LRRC38: variants seen among roughly 807,000 people sequenced by gnomAD.
LRRC38 encodes the protein leucine rich repeat containing 38.
In LRRC38, 5 loss-of-function variants were observed where a neutral mutation model predicts 16.4. The ratio of observed to expected loss-of-function variants is 0.31; its 90% CI spans 0.16 to 0.64. LRRC38 has a LOEUF of 0.64. Among genes scored for constraint, LRRC38 ranks in the 30% least tolerant of loss-of-function variants. The pLI is 0.80. For synonymous variants in LRRC38, 191 were observed against 190.2 expected (o/e 1.00, Z -0.04); for missense variants, 341 against 401.8 (o/e 0.85, Z 1.29).
chr1:13,512,933 C>CCCCCCCCCCA, intron 1 of LRRC38, 30 bp downstream of exon 1: 2 of 1,363,170 alleles, frequency 1.5e-6, no homozygotes, highest in Non-Finnish European at 1.0e-6. Flanking sequence ...CCCCCTCCCT[C>CCCCCCCCCCA]CCTCCCCCAG....
Position 13,513,718 on chromosome 1 carries a change from A to G in LRRC38, c.-125T>C. On this transcript the variant is annotated 5_prime_UTR_variant, in exon 1 of 2. Transcript: ENST00000376085. Reference sequence around the variant, plus strand: ...GAGCCAGAGGGCGGCCCGGGCGGGGAGGGCGTGCGCCCGGGCGTGCGGGGG... The same window carrying G: ...GAGCCAGAGGGCGGCCCGGGCGGGGGGGGCGTGCGCCCGGGCGTGCGGGGG... 1 of 410,058 alleles carries G rather than the reference A, an allele frequency of 2.4e-6. No individual in the cohort carries two copies. Among genetic ancestry groups the G allele is most frequent in the Non-Finnish European group, 3.1e-6 (1 of 320,132 alleles). 25.4% of individuals were successfully genotyped at this position (410,058 alleles called of 1,614,324 possible).
chr1:13,506,805 G>A (rs183982068), intron 1 of LRRC38, among the ~76,000 whole-genome samples: 4 of 152,168 alleles, frequency 2.6e-5, no homozygotes, highest in Admixed American at 1.3e-4. Context: ...TGATAAGGCC[G>A]GCCAAGCACC....
chr1:13,496,917 G>A (rs1639087732), intron 1 of LRRC38, among the ~76,000 whole-genome samples: 1 of 152,122 alleles, frequency 6.6e-6, no homozygotes, highest in African/African-American at 2.4e-5. Context: ...TTTGAGAAAG[G>A]GTCTGACGGG....
chr1:13,477,209 G>A (rs929224257), intron 1 of LRRC38, among the ~76,000 whole-genome samples: 25 of 152,168 alleles, frequency 1.6e-4, no homozygotes, highest in Admixed American at 1.3e-4. Flanking sequence ...AGGCAACTAA[G>A]TCCTCTACTC....
At chr1:13,476,208 A>G (rs957744431) in intron 1 of LRRC38, 109 bp from the exon 2 acceptor site, 4 of 1,049,316 alleles carry the variant, frequency 3.8e-6, no homozygotes, top group Non-Finnish European at 5.5e-6. Flanking sequence ...GCATCCTCCC[A>G]AAAATAAAAG....
intron 1 of LRRC38, among the ~76,000 whole-genome samples, chr1:13,496,523 T>A (rs1639082598): frequency 6.6e-6 from 1 of 152,014 alleles, no homozygotes; most frequent in Admixed American, 6.6e-5. Flanking sequence ...TTGCTAACAC[T>A]CCAACAAGAA....
intron 1 of LRRC38, among the ~76,000 whole-genome samples, chr1:13,483,637 G>C (rs1197317461): frequency 1.3e-5 from 2 of 152,126 alleles, no homozygotes; most frequent in African/African-American, 4.8e-5. Flanking sequence ...CCACGTTAGG[G>C]TTAGGACGGA....
Position 13,485,138 on chromosome 1 carries a change from G to C in LRRC38, c.632-9039C>G, listed in dbSNP as rs924178013. On this transcript the variant is annotated intron_variant, in intron 1 of 1. Transcript: ENST00000376085. ...ACCAAAAATACAAAATTAGCTAGGC[G>C]TGATGGCGCATGCCTGTAATCCCAC... is the stretch of plus-strand genomic sequence containing the variant. Among the ~76,000 whole-genome samples the C allele has an allele frequency of 7.2e-5, 11 of 152,196 alleles. 1 individual carries two copies. The highest frequency in any genetic ancestry group is 7.2e-4 in the Admixed American group (11 of 15,278).
intron 1 of LRRC38, among the ~76,000 whole-genome samples, chr1:13,485,565 CAA>C (rs569617711): frequency 2.1e-5 from 3 of 139,630 alleles, no homozygotes. Flanking sequence ...GACTCCATCT[CAA>C]AAAAAAAAAA....
chr1:13,506,778 C>T (rs958716579), intron 1 of LRRC38, among the ~76,000 whole-genome samples: 1 of 152,098 alleles, frequency 6.6e-6, no homozygotes, highest in Non-Finnish European at 1.5e-5. Context: ...TTTTACAGCC[C>T]GCACCAGCCC....
At chr1:13,479,391 G>A (rs1412680131) in intron 1 of LRRC38, among the ~76,000 whole-genome samples, 2 of 152,138 alleles carry the variant, frequency 1.3e-5, no homozygotes, top group African/African-American at 4.8e-5. Context: ...TCATCTTCAG[G>A]AAGCGGTATC....
intron 1 of LRRC38, among the ~76,000 whole-genome samples, chr1:13,501,501 T>G (rs150828471): frequency 7.0e-6 from 1 of 142,408 alleles, no homozygotes; most frequent in East Asian, 2.0e-4. Flanking sequence ...TTCCAACTCC[T>G]GGGTTCAAGC....
chr1:13,487,216 T>C lies in LRRC38; in HGVS notation c.632-11117A>G, dbSNP rs1056630394. Reference sequence around the variant, plus strand: ...TGGCTTCTGTTGTTTACGCTCAAGATACCCAACCGATGGATTCTAGGACAA... The same window carrying C: ...TGGCTTCTGTTGTTTACGCTCAAGACACCCAACCGATGGATTCTAGGACAA... On this transcript the variant is annotated intron_variant, in intron 1 of 1. Coordinates refer to ENST00000376085, the MANE Select transcript of LRRC38 (RefSeq NM_001010847.2). The surrounding 1 kb of genome is among the most constrained non-coding windows in gnomAD (Gnocchi z 4.4). Among the ~76,000 whole-genome samples the C allele has an allele frequency of 7.9e-5, 12 of 152,232 alleles. No homozygotes were observed. The highest frequency in any genetic ancestry group is 6.5e-5 in the Admixed American group (1 of 15,282).
At chr1:13,489,737 G>A (rs1638985272) in intron 1 of LRRC38, among the ~76,000 whole-genome samples, 1 of 152,162 alleles carries the variant, frequency 6.6e-6, no homozygotes, top group Non-Finnish European at 1.5e-5. Flanking sequence ...ATTTCTGATA[G>A]TGCTGACCTG....
chr1:13,499,044 C>T (rs771788877), intron 1 of LRRC38, among the ~76,000 whole-genome samples: 21 of 152,142 alleles, frequency 1.4e-4, no homozygotes, highest in Non-Finnish European at 1.5e-5. Context: ...TTTATAAGGA[C>T]ACCAGTCATA....
At chr1:13,511,780 G>T (rs183206912) in intron 1 of LRRC38, among the ~76,000 whole-genome samples, 1 of 152,084 alleles carries the variant, frequency 6.6e-6, no homozygotes, top group Non-Finnish European at 1.5e-5. Flanking sequence ...AGGCCAGATC[G>T]TTTTAGGAAT....
chr1:13,495,071 T>C (rs1477255228), intron 1 of LRRC38, among the ~76,000 whole-genome samples: 2 of 152,146 alleles, frequency 1.3e-5, no homozygotes, highest in African/African-American at 2.4e-5. Flanking sequence ...GGGATAGATA[T>C]GATATGAGAT....
Position 13,513,369 on chromosome 1 carries a change from G to A in LRRC38, c.225C>T (p.Phe75=), listed in dbSNP as rs1234621921. Residue 75 remains phenylalanine, a synonymous_variant, in exon 1 of 2, where the codon TTC becomes TTT. Transcript: ENST00000376085. ...AGACCAGGTCGCCGTAGAAGATGAA[G>A]AAGTCCTCGGGGATCCGCTGGATGC... is the stretch of plus-strand genomic sequence containing the variant. ...GNRIQRIPED[F]FIFYGDLVYL... The A allele has an allele frequency of 6.4e-7, 1 of 1,550,788 alleles. No individual in the cohort carries two copies. The highest frequency in any genetic ancestry group is 8.7e-7 in the Non-Finnish European group (1 of 1,147,014).
intron 1 of LRRC38, among the ~76,000 whole-genome samples, chr1:13,509,339 G>A (rs2100526931): frequency 6.6e-6 from 1 of 152,238 alleles, no homozygotes; most frequent in South Asian, 2.1e-4. Flanking sequence ...CTTGACAGCT[G>A]CAAGTGCCCC....
Sources: gnomAD v4.1 joint callset for allele counts (sites outside exome capture counted in the v4.1 genomes callset) on GRCh38, gnomAD v4.1.1 for gene constraint, Gnocchi (gnomAD v3.1) non-coding constraint, MANE v1.5 for transcripts, NCBI Gene and HGNC (gene_info 2026-07-23, HGNC 2026-07-21) for gene names.